ADGRL3: variants seen among roughly 807,000 people sequenced by gnomAD.
ADGRL3 encodes the protein calcium-independent alpha-latrotoxin receptor 3.
In ADGRL3, 62 loss-of-function variants were observed where a neutral mutation model predicts 153.5. That is an observed-to-expected ratio of 0.40 (90% CI 0.33 to 0.50). The LOEUF is 0.50. ADGRL3 is among the 20% of genes least tolerant of loss of function. The pLI is 0.47. For synonymous variants in ADGRL3, 710 were observed against 672.5 expected, an observed-to-expected ratio of 1.06 and a Z score of -0.86; for missense variants, 1,641 against 1,859.4, an observed-to-expected ratio of 0.88 and a Z score of 2.16.
intron 5 of ADGRL3, among the ~76,000 whole-genome samples, chr4:61,602,980 C>G (rs1280225986): frequency 1.3e-5 from 2 of 152,094 alleles, no homozygotes; most frequent in Non-Finnish European, 2.9e-5. Context: ...ACAAATCATT[C>G]CTTTGGCCTG....
At chr4:61,891,716 C>T (rs1039576292) in intron 9 of ADGRL3, among the ~76,000 whole-genome samples, 2 of 152,108 alleles carry the variant, frequency 1.3e-5, no homozygotes, top group African/African-American at 4.8e-5. Context: ...GAGCCAATAT[C>T]CCTACAGTTT....
intron 8 of ADGRL3, among the ~76,000 whole-genome samples, chr4:61,793,285 G>A (rs955104462): frequency 6.6e-6 from 1 of 152,104 alleles, no homozygotes; most frequent in Non-Finnish European, 1.5e-5. Context: ...TTAGCCAGTT[G>A]TGGCGGCGGG....
At chr4:61,680,840 T>C (rs1194951565) in intron 6 of ADGRL3, among the ~76,000 whole-genome samples, 1 of 152,124 alleles carries the variant, frequency 6.6e-6, no homozygotes, top group East Asian at 1.9e-4. Flanking sequence ...TAATCTTTTC[T>C]AAGTCCTACC....
chr4:61,730,578 A>C, intron 6 of ADGRL3, 44 bp from the exon 7 acceptor site: 2 of 461,198 alleles, frequency 4.3e-6, no homozygotes, highest in Non-Finnish European at 8.0e-6. Context: ...CCATTAATCT[A>C]TTCTCTTTTC....
At chr4:61,921,863 A>G (rs1371166976) in intron 13 of ADGRL3, among the ~76,000 whole-genome samples, 1 of 152,210 alleles carries the variant, frequency 6.6e-6, no homozygotes, top group Non-Finnish European at 1.5e-5. Flanking sequence ...CGACCCACAC[A>G]ATAGGGTAGC....
Position 61,598,294 on chromosome 4 carries a change from C to T in ADGRL3, c.473+10854C>T, listed in dbSNP as rs531955286. ...ACTGGAGGGCAACATGAACCTCCTG[C>T]GAACTAACAGAAAAGTGGATCTTAA... On this transcript the variant is annotated intron_variant, in intron 5 of 26. Transcript: ENST00000683033. Among the ~76,000 whole-genome samples the T allele has an allele frequency of 5.9e-5, 9 of 152,172 alleles. No homozygotes were observed. In the South Asian group the frequency reaches 1.2e-3, roughly 21 times the overall value.
chr4:61,906,388 T>A (rs1334231035), intron 11 of ADGRL3: 1 of 152,164 alleles, frequency 6.6e-6, no homozygotes, highest in Non-Finnish European at 1.5e-5. Flanking sequence ...ACCCCCACAC[T>A]GCCAAATTTG....
At chr4:61,609,785 A>G (rs2099046005) in intron 5 of ADGRL3, among the ~76,000 whole-genome samples, 1 of 152,116 alleles carries the variant, frequency 6.6e-6, no homozygotes, top group South Asian at 2.1e-4. Flanking sequence ...AGGACCCTCC[A>G]GCTTCTGATC....
At chr4:61,974,779 G>A (rs909755678) in intron 17 of ADGRL3, among the ~76,000 whole-genome samples, 2 of 152,046 alleles carry the variant, frequency 1.3e-5, no homozygotes, top group East Asian at 1.9e-4. Context: ...TTTTATACTC[G>A]TTTGACACGC....
chr4:61,391,923 G>C (rs1487424889), intron 2 of ADGRL3, among the ~76,000 whole-genome samples: 1 of 144,280 alleles, frequency 6.9e-6, no homozygotes, highest in Non-Finnish European at 1.5e-5. Context: ...GCAGTGGCGC[G>C]AGCTCGCCTC....
At chr4:61,783,799 A>G (rs556704521) in intron 8 of ADGRL3, among the ~76,000 whole-genome samples, 2 of 152,202 alleles carry the variant, frequency 1.3e-5, no homozygotes, top group South Asian at 2.1e-4. Context: ...AAAATAATAT[A>G]CATCTTATTA....
chr4:61,466,265 T>A (rs933597524), intron 2 of ADGRL3, among the ~76,000 whole-genome samples: 2 of 152,228 alleles, frequency 1.3e-5, no homozygotes, highest in African/African-American at 4.8e-5. Context: ...TTCTAGATTA[T>A]CCCCAATAAT....
intron 4 of ADGRL3, among the ~76,000 whole-genome samples, chr4:61,554,022 C>A (rs2098752854): frequency 6.6e-6 from 1 of 150,528 alleles, no homozygotes; most frequent in African/African-American, 2.4e-5. Context: ...TGAGTGAAAT[C>A]TGATAAAAGA....
At chr4:61,505,696 AAT>A (rs546289345) in intron 3 of ADGRL3, among the ~76,000 whole-genome samples, 5 of 151,972 alleles carry the variant, frequency 3.3e-5, no homozygotes, top group African/African-American at 7.2e-5. Context: ...TTTTTTCTCT[AAT>A]ATGTTCTGCA....
intron 9 of ADGRL3, among the ~76,000 whole-genome samples, chr4:61,847,262 G>A (rs985515481): frequency 1.3e-5 from 2 of 151,658 alleles, no homozygotes; most frequent in Non-Finnish European, 2.9e-5. Flanking sequence ...CCTTAAGACT[G>A]AATTCCTAGG....
At chr4:61,929,288 G>C (rs1427094259) in intron 13 of ADGRL3, among the ~76,000 whole-genome samples, 1 of 152,106 alleles carries the variant, frequency 6.6e-6, no homozygotes, top group African/African-American at 2.4e-5. Context: ...CAATGAATCT[G>C]CAGGTACCTT....
chr4:61,314,448 A>T (rs985362823), intron 1 of ADGRL3, among the ~76,000 whole-genome samples: 4 of 152,020 alleles, frequency 2.6e-5, no homozygotes, highest in African/African-American at 9.7e-5. Context: ...ACCTCAGATG[A>T]TCCACCCGCT....
At chr4:61,963,195 T>A (rs1440969738) in intron 17 of ADGRL3, among the ~76,000 whole-genome samples, 1 of 152,116 alleles carries the variant, frequency 6.6e-6, no homozygotes, top group Non-Finnish European at 1.5e-5. Context: ...ACATGCTTTC[T>A]TTGAGTTTTT....
At chr4:61,203,392 T>A (rs903084481) in intron 1 of ADGRL3, among the ~76,000 whole-genome samples, 1 of 152,200 alleles carries the variant, frequency 6.6e-6, no homozygotes, top group African/African-American at 2.4e-5. Flanking sequence ...CTTTAGAGTC[T>A]AACCTGCTGT....
Sources: allele counts gnomAD v4.1 joint callset (sites outside exome capture counted in the v4.1 genomes callset), GRCh38; gene constraint gnomAD v4.1.1; transcripts MANE v1.5; gene names NCBI Gene and HGNC (gene_info 2026-07-23, HGNC 2026-07-21).